The following PTPRK variants were observed in gnomAD, a reference collection of about 807,000 sequenced individuals.
PTPRK encodes the protein receptor-type tyrosine-protein phosphatase kappa.
A neutral mutation model predicts 178.0 loss-of-function variants in PTPRK; 75 were observed. The observed-to-expected ratio is 0.42, with a 90% CI of 0.35 to 0.51. The LOEUF (loss-of-function observed/expected upper bound fraction) is 0.51, where lower values mean the gene tolerates loss of function less well. PTPRK is among the 20% of genes least tolerant of loss of function. The pLI, the probability that PTPRK is intolerant of heterozygous loss-of-function variation, is 0.02. For synonymous variants in PTPRK, 637 were observed against 620.6 expected (o/e 1.03, Z -0.39); for missense variants, 1,441 against 1,797.8 (o/e 0.80, Z 3.59).
chr6:128,096,228 C>T (rs1222936234), intron 7 of PTPRK, among the ~76,000 whole-genome samples: 1 of 151,836 alleles, frequency 6.6e-6, no homozygotes, highest in Non-Finnish European at 1.5e-5. Flanking sequence ...AATGTTTAAC[C>T]CAACTTGATA....
At chr6:128,329,341 A>G (rs1189006557) in intron 2 of PTPRK, among the ~76,000 whole-genome samples, 1 of 151,716 alleles carries the variant, frequency 6.6e-6, no homozygotes, top group Admixed American at 6.6e-5. Context: ...TACGAAGGAT[A>G]TATTAGTCAG....
intron 1 of PTPRK, among the ~76,000 whole-genome samples, chr6:128,487,373 C>G (rs1853096269): frequency 6.6e-6 from 1 of 151,330 alleles, no homozygotes; most frequent in Admixed American, 6.6e-5. Flanking sequence ...GCCTCAAAAA[C>G]AGCCTCAGAA....
At chr6:128,293,054 G>C (rs2128307774) in intron 3 of PTPRK, among the ~76,000 whole-genome samples, 1 of 151,754 alleles carries the variant, frequency 6.6e-6, no homozygotes, top group East Asian at 1.9e-4. Context: ...CAGGCTTTTA[G>C]TTTTTTTCTT....
At chr6:127,974,344 C>T (rs1251507791) in intron 27 of PTPRK, among the ~76,000 whole-genome samples, 2 of 152,146 alleles carry the variant, frequency 1.3e-5, no homozygotes, top group Admixed American at 6.5e-5. Context: ...CTGGCTCCAC[C>T]CCCTTCTTCA....
chr6:128,233,433 C>T (rs1279321101), intron 5 of PTPRK, among the ~76,000 whole-genome samples: 6 of 152,218 alleles, frequency 3.9e-5, no homozygotes, highest in Non-Finnish European at 7.3e-5. Context: ...TTAGACCAAC[C>T]GCTTTCACTG....
At chr6:128,016,018 G>GT (rs1354585528) in intron 13 of PTPRK, among the ~76,000 whole-genome samples, 2 of 151,444 alleles carry the variant, frequency 1.3e-5, no homozygotes, top group East Asian at 1.9e-4. Context: ...ATCTCTACCT[G>GT]TTTTTTTCTC....
At chr6:128,402,240 G>GC (rs1841113430) in intron 1 of PTPRK, among the ~76,000 whole-genome samples, 1 of 10,342 alleles carries the variant, frequency 9.7e-5, no homozygotes, top group African/African-American at 1.4e-4. Context: ...GAAATTAATG[G>GC]TTTTGTTTGT....
chr6:128,509,794 T>C (rs1856906112), intron 1 of PTPRK, among the ~76,000 whole-genome samples: 1 of 152,144 alleles, frequency 6.6e-6, no homozygotes. Flanking sequence ...GCAAGGCCAG[T>C]GCTCTGTGCA....
At chr6:128,483,951 C>CTAA (rs1236870407) in intron 1 of PTPRK, among the ~76,000 whole-genome samples, 1 of 151,908 alleles carries the variant, frequency 6.6e-6, no homozygotes, top group Non-Finnish European at 1.5e-5. Flanking sequence ...GCAGGATGTC[C>CTAA]TAATAATTTC....
intron 6 of PTPRK, among the ~76,000 whole-genome samples, chr6:128,211,449 T>C (rs1808149636): frequency 6.6e-6 from 1 of 152,176 alleles, no homozygotes; most frequent in Admixed American, 6.6e-5. Context: ...ATCATTTATC[T>C]TAACCCAGAT....
chr6:128,353,269 G>A (rs1013056340), intron 2 of PTPRK, among the ~76,000 whole-genome samples: 10 of 152,192 alleles, frequency 6.6e-5, no homozygotes, highest in Non-Finnish European at 1.5e-4. Flanking sequence ...TGATGGGAAT[G>A]TAAAATGGTA....
chr6:128,021,499 G>T (rs1201937180), intron 13 of PTPRK, among the ~76,000 whole-genome samples: 1 of 152,164 alleles, frequency 6.6e-6, no homozygotes, highest in Non-Finnish European at 1.5e-5. Flanking sequence ...AGCCGGGCGT[G>T]GTGGTGGGCG....
chr6:128,270,147 T>C (rs1007425312), intron 3 of PTPRK, among the ~76,000 whole-genome samples: 2 of 152,144 alleles, frequency 1.3e-5, no homozygotes, highest in South Asian at 4.1e-4. Context: ...ATAGTTATAT[T>C]ATAATTTTGG....
intron 2 of PTPRK, among the ~76,000 whole-genome samples, chr6:128,352,945 AT>A (rs1376160753): frequency 1.3e-5 from 2 of 152,222 alleles, no homozygotes; most frequent in African/African-American, 4.8e-5. Context: ...TTTTTTACAA[AT>A]GTATACAGAA....
intron 5 of PTPRK, among the ~76,000 whole-genome samples, chr6:128,224,191 C>T (rs1384682754): frequency 1.3e-5 from 2 of 152,072 alleles, no homozygotes; most frequent in East Asian, 3.9e-4. Flanking sequence ...GGATTATAAC[C>T]TAGCACTACT....
intron 1 of PTPRK, among the ~76,000 whole-genome samples, chr6:128,514,677 G>A (rs1857685596): frequency 1.3e-5 from 2 of 152,070 alleles, no homozygotes; most frequent in Non-Finnish European, 1.5e-5. Flanking sequence ...GACAAAATAA[G>A]CCACTTGTAA....
At chr6:128,357,473 G>A (rs966600368) in intron 2 of PTPRK, among the ~76,000 whole-genome samples, 1 of 152,190 alleles carries the variant, frequency 6.6e-6, no homozygotes, top group Admixed American at 6.5e-5. Context: ...GGCAGGAGCA[G>A]GAGAGAGATA....
chr6:128,346,269 G>C (rs1182136006), intron 2 of PTPRK, among the ~76,000 whole-genome samples: 1 of 151,944 alleles, frequency 6.6e-6, no homozygotes, highest in African/African-American at 2.4e-5. Flanking sequence ...TAGAATTTAA[G>C]TGACATGTAG....
intron 1 of PTPRK, among the ~76,000 whole-genome samples, chr6:128,441,598 T>C (rs898736306): frequency 9.2e-5 from 14 of 152,152 alleles, no homozygotes; most frequent in African/African-American, 2.4e-4. Flanking sequence ...CTCCTCTAGA[T>C]AGTGTAGAAA....
Sources: gnomAD v4.1 joint callset for allele counts (sites outside exome capture counted in the v4.1 genomes callset) on GRCh38, gnomAD v4.1.1 for gene constraint, MANE v1.5 for transcripts, NCBI Gene and HGNC (gene_info 2026-07-23, HGNC 2026-07-21) for gene names.